The following RPS6KA2 variants were observed in gnomAD, a reference collection of about 807,000 sequenced individuals.
RPS6KA2 encodes ribosomal protein S6 kinase A2, also known as ribosomal protein S6 kinase alpha-2.
RPS6KA2 carries 42 observed loss-of-function variants against 91.8 expected under a neutral mutation model. That is an observed-to-expected ratio of 0.46 (90% CI 0.36 to 0.59). The LOEUF is 0.59. Ranked by LOEUF, RPS6KA2 falls within the 20% of genes least tolerant of loss-of-function variation. The pLI is 0.00. For missense variants in RPS6KA2, 798 were observed against 978.5 expected (o/e 0.82, Z 2.46); for synonymous variants, 414 against 393.6 (o/e 1.05, Z -0.61).
chr6:166,766,297 A>C (rs1778309729), intron 2 of RPS6KA2, among the ~76,000 whole-genome samples: 1 of 152,202 alleles, frequency 6.6e-6, no homozygotes, highest in Non-Finnish European at 1.5e-5. Flanking sequence ...GCTATTTAAA[A>C]ATTTTTTAGG....
intron 2 of RPS6KA2, among the ~76,000 whole-genome samples, chr6:166,730,688 T>A (rs910657333): frequency 7.2e-5 from 11 of 152,162 alleles, no homozygotes; most frequent in African/African-American, 2.7e-4. Flanking sequence ...GTGCTTTTCA[T>A]GAAAAAGACT....
At chr6:166,688,503 C>T (rs558324169) in intron 2 of RPS6KA2, among the ~76,000 whole-genome samples, 1 of 152,186 alleles carries the variant, frequency 6.6e-6, no homozygotes, top group Non-Finnish European at 1.5e-5. Flanking sequence ...AGCAGGGCCA[C>T]GTGTGCCCCC....
chr6:166,805,110 A>G (rs866475193), intron 2 of RPS6KA2, among the ~76,000 whole-genome samples: 1 of 152,234 alleles, frequency 6.6e-6, no homozygotes, highest in African/African-American at 2.4e-5. Flanking sequence ...GAAGGCTTGC[A>G]TCTCACAGGG....
At chr6:166,673,543 T>C (rs531691873) in intron 2 of RPS6KA2, among the ~76,000 whole-genome samples, 2 of 152,216 alleles carry the variant, frequency 1.3e-5, no homozygotes, top group African/African-American at 4.8e-5. Flanking sequence ...CCTGAGCCCA[T>C]GGGGCCAGCT....
intron 2 of RPS6KA2, among the ~76,000 whole-genome samples, chr6:166,532,601 C>G (rs1583248759): frequency 6.6e-6 from 1 of 152,172 alleles, no homozygotes. Context: ...AGCCCCTCCC[C>G]AGGTGGGGAC....
At position 166,505,243 on chromosome 6, in the gene RPS6KA2, G is replaced by A. The variant is rs2235272; in HGVS notation, c.460-631C>T. 9.1e-3 allele frequency among the ~76,000 whole-genome samples: 1,380 copies of A among 152,180 alleles called. 60 individuals are homozygous for A. The highest frequency in any genetic ancestry group is 0.075 in the Admixed American group (1,151 of 15,288). ...GTGTTGGGGTTGGCAGCCACATTCC[G>A]GGATCCCACGTAGCTGGGACAGCTC... On this transcript the variant is annotated intron_variant, in intron 5 of 20. Transcript: ENST00000265678.
At chr6:166,491,836 ATT>A (rs1404394755) in intron 8 of RPS6KA2, among the ~76,000 whole-genome samples, 3 of 152,132 alleles carry the variant, frequency 2.0e-5, no homozygotes, top group African/African-American at 7.2e-5. Context: ...GCTGTTTTTT[ATT>A]TTGTTTTAAA....
chr6:166,432,303 C>T, intron 15 of RPS6KA2, 98 bp downstream of exon 15: 1 of 770,398 alleles, frequency 1.3e-6, no homozygotes, highest in South Asian at 1.7e-5. Context: ...CTGAGACAGG[C>T]ATGAGATGTG....
chr6:166,724,061 A>T (rs573228085), intron 2 of RPS6KA2, among the ~76,000 whole-genome samples: 2 of 152,346 alleles, frequency 1.3e-5, no homozygotes, highest in South Asian at 2.1e-4. Context: ...AAAGGTAAGT[A>T]TAATCTATTT....
intron 2 of RPS6KA2, among the ~76,000 whole-genome samples, chr6:166,754,769 T>C (rs1193834847): frequency 6.6e-6 from 1 of 152,060 alleles, no homozygotes; most frequent in African/African-American, 2.4e-5. Flanking sequence ...TGTAGACAGG[T>C]AGAGGTCCCT....
At chr6:166,799,166 A>G (rs1318630915) in intron 2 of RPS6KA2, among the ~76,000 whole-genome samples, 1 of 152,342 alleles carries the variant, frequency 6.6e-6, no homozygotes, top group East Asian at 1.9e-4. Flanking sequence ...TAAAAATGAA[A>G]CTAGAGAAAA....
chr6:166,605,680 G>A (rs534158994), intron 1 of RPS6KA2, among the ~76,000 whole-genome samples: 2 of 152,322 alleles, frequency 1.3e-5, no homozygotes, highest in Middle Eastern at 6.8e-3. Context: ...ATTTTAGATA[G>A]AAATGCACTC....
At chr6:166,473,548 G>A (rs1378861082) in intron 10 of RPS6KA2, among the ~76,000 whole-genome samples, 1 of 152,136 alleles carries the variant, frequency 6.6e-6, no homozygotes, top group East Asian at 1.9e-4. Flanking sequence ...TTTTTCACGA[G>A]GTAAGCCATT....
At chr6:166,444,630 C>T (rs1322781699) in intron 14 of RPS6KA2, among the ~76,000 whole-genome samples, 12 of 152,222 alleles carry the variant, frequency 7.9e-5, no homozygotes, top group African/African-American at 2.2e-4. Context: ...CAGTGCCGTG[C>T]GCGTGAGAAG....
intron 2 of RPS6KA2, among the ~76,000 whole-genome samples, chr6:166,805,290 G>A (rs192718414): frequency 2.6e-4 from 39 of 152,312 alleles, no homozygotes; most frequent in Non-Finnish European, 5.3e-4. Context: ...CCAATGACAA[G>A]GGATCTGTGC....
Position 166,434,446 on chromosome 6 carries a change from G to T in RPS6KA2, c.1333-1956C>A, listed in dbSNP as rs1289940991. Among the ~76,000 whole-genome samples, 1 of 152,142 alleles carries T rather than the reference G, an allele frequency of 6.6e-6. No individual in the cohort carries two copies. The highest frequency in any genetic ancestry group is 2.4e-5 in the African/African-American group (1 of 41,422). On this transcript the variant is annotated intron_variant, in intron 14 of 20. Coordinates refer to ENST00000265678, the MANE Select transcript of RPS6KA2 (RefSeq NM_021135.6). The surrounding 1 kb of genome is among the most constrained non-coding windows in gnomAD (Gnocchi z 4.4). ...CTTTTAAAACGATCATTCAAGGAGG[G>T]GTGGGGGACTTTCCCTAACATGCCA...
At chr6:166,775,849 G>GAGCGCAGGCGAAGGGGCAGAGACTT (rs1322205089) in intron 2 of RPS6KA2, among the ~76,000 whole-genome samples, 3 of 152,266 alleles carry the variant, frequency 2.0e-5, no homozygotes, top group Non-Finnish European at 4.4e-5. Context: ...GGCAGAGACT[G>GAGCGCAGGCGAAGGGGCAGAGACTT]AGCGCAGGCA....
intron 1 of RPS6KA2, among the ~76,000 whole-genome samples, chr6:166,590,566 G>C (rs1445361943): frequency 1.3e-5 from 2 of 152,150 alleles, no homozygotes; most frequent in Non-Finnish European, 2.9e-5. Context: ...TCGTTGCACT[G>C]TACTATACAG....
chr6:166,664,842 T>A (rs1413310122), intron 2 of RPS6KA2, among the ~76,000 whole-genome samples: 1 of 152,180 alleles, frequency 6.6e-6, no homozygotes, highest in African/African-American at 2.4e-5. Flanking sequence ...AGGCCCCTAC[T>A]GGATATGAGG....
Sources: gnomAD v4.1 joint callset for allele counts (sites outside exome capture counted in the v4.1 genomes callset) on GRCh38, gnomAD v4.1.1 for gene constraint, Gnocchi (gnomAD v3.1) non-coding constraint, MANE v1.5 for transcripts, NCBI Gene and HGNC (gene_info 2026-07-23, HGNC 2026-07-21) for gene names.